Variants in RBMS1 observed in about 807,000 individuals in gnomAD.
RBMS1 encodes the protein RNA binding motif single stranded interacting protein 1.
In RBMS1, 17 loss-of-function variants were observed where a neutral mutation model predicts 62.3. That is an observed-to-expected ratio of 0.27 (90% CI 0.19 to 0.41). The LOEUF (loss-of-function observed/expected upper bound fraction) is 0.41. Among genes scored for constraint, RBMS1 ranks in the 10% least tolerant of loss-of-function variants. The probability of loss-of-function intolerance (pLI) is 1.00; values close to 1 mark genes in which losing one functional copy is unlikely to be tolerated. For missense variants in RBMS1, 334 were observed against 504.5 expected, an observed-to-expected ratio of 0.66 and a Z score of 3.24; for synonymous variants, 172 against 170.0, an observed-to-expected ratio of 1.01 and a Z score of -0.09.
At chr2:160,323,169 A>ATT (rs200830921) in intron 2 of RBMS1, among the ~76,000 whole-genome samples, 1,677 of 147,832 alleles carry the variant, frequency 0.011, 38 homozygotes, top group African/African-American at 0.036. Flanking sequence ...CTGTAGCTTA[A>ATT]TTTTTTTTTT....
chr2:160,287,559 T>C (rs779767591), intron 6 of RBMS1, among the ~76,000 whole-genome samples: 12 of 152,262 alleles, frequency 7.9e-5, no homozygotes, highest in Admixed American at 5.2e-4. Flanking sequence ...TATATTTTTA[T>C]TCACAATTTG....
At chr2:160,481,053 C>T (rs1447776025) in intron 1 of RBMS1, among the ~76,000 whole-genome samples, 3 of 146,540 alleles carry the variant, frequency 2.0e-5, no homozygotes, top group Non-Finnish European at 4.5e-5. Flanking sequence ...TGCACTCCAG[C>T]CTAGGCAACA....
chr2:160,410,980 GATCCGCCC>G (rs2105253323), intron 1 of RBMS1, among the ~76,000 whole-genome samples: 1 of 152,262 alleles, frequency 6.6e-6, no homozygotes, highest in Non-Finnish European at 1.5e-5. Flanking sequence ...TTGACCTCGT[GATCCGCCC>G]ATCTCGGCCT....
chr2:160,440,329 G>T (rs1683360795), intron 1 of RBMS1, among the ~76,000 whole-genome samples: 1 of 152,080 alleles, frequency 6.6e-6, no homozygotes, highest in East Asian at 1.9e-4. Context: ...AAGAAACAAT[G>T]CACAAGAACA....
intron 1 of RBMS1, among the ~76,000 whole-genome samples, chr2:160,448,903 G>A (rs568366404): frequency 4.0e-5 from 6 of 150,632 alleles, no homozygotes; most frequent in South Asian, 2.1e-4. Context: ...CCTCTGCCCC[G>A]CCACCCCATC....
At chr2:160,386,040 G>A (rs1694553293) in intron 1 of RBMS1, among the ~76,000 whole-genome samples, 1 of 152,202 alleles carries the variant, frequency 6.6e-6, no homozygotes, top group African/African-American at 2.4e-5. Context: ...GAATTTATTT[G>A]TCTAGGTAGT....
intron 1 of RBMS1, among the ~76,000 whole-genome samples, chr2:160,416,717 G>A: frequency 6.6e-6 from 1 of 152,028 alleles, no homozygotes; most frequent in East Asian, 1.9e-4. Context: ...ATTATTAAGG[G>A]CCGGTCCTTG....
chr2:160,490,313 A>C (rs1269581316), intron 1 of RBMS1, among the ~76,000 whole-genome samples: 1 of 151,626 alleles, frequency 6.6e-6, no homozygotes, highest in Non-Finnish European at 1.5e-5. Context: ...AAATAAAAAA[A>C]AAAAACAAAA....
Position 160,274,344 on chromosome 2 carries a change from G to GA in RBMS1, c.*427_*428insT, listed in dbSNP as rs557809075. On this transcript the variant is annotated 3_prime_UTR_variant, in exon 14 of 14. Transcript: ENST00000348849. ...TTCAGAAAGCCCATTTCATACAGCT[G>GA]GAAAAAAAAAACACAAATTAAACAC... 6.9e-6 allele frequency: 1 copy of GA among 144,568 alleles called. No individual in the cohort carries two copies. The highest frequency in any genetic ancestry group is 2.5e-5 in the African/African-American group (1 of 40,094). The allele number at this position is 144,568 out of a possible 1,614,324, so 9.0% of individuals were successfully genotyped here.
At chr2:160,375,806 C>T (rs1693965037) in intron 1 of RBMS1, among the ~76,000 whole-genome samples, 1 of 151,860 alleles carries the variant, frequency 6.6e-6, no homozygotes, top group African/African-American at 2.4e-5. Flanking sequence ...CCTTGAATTT[C>T]CAGATCCATG....
At chr2:160,452,566 G>A (rs1684037960) in intron 1 of RBMS1, among the ~76,000 whole-genome samples, 1 of 151,992 alleles carries the variant, frequency 6.6e-6, no homozygotes, top group African/African-American at 2.4e-5. Context: ...TTCAATCTGT[G>A]GTTGTTCAAT....
chr2:160,327,138 A>G (rs1346975774), intron 2 of RBMS1, among the ~76,000 whole-genome samples: 1 of 152,212 alleles, frequency 6.6e-6, no homozygotes, highest in Non-Finnish European at 1.5e-5. Context: ...TTTTTTCAAG[A>G]GAAGATACAG....
chr2:160,287,771 C>T lies in RBMS1; in HGVS notation c.641-687G>A, dbSNP rs980231916. ...GTCTCATATGTTTATTTTTGGGATA[C>T]GTCAGTGAAGATGGCTGTTGTGAGA... On this transcript the variant is annotated intron_variant, in intron 6 of 13. Coordinates refer to ENST00000348849, the MANE Select transcript of RBMS1 (RefSeq NM_016836.4). Among the ~76,000 whole-genome samples, 7 of 152,082 alleles carry T rather than the reference C, an allele frequency of 4.6e-5. No individual in the cohort carries two copies. In the East Asian group the frequency reaches 5.8e-4, roughly 13 times the overall value.
At chr2:160,389,760 C>A in intron 1 of RBMS1, among the ~76,000 whole-genome samples, 2 of 128,002 alleles carry the variant, frequency 1.6e-5, no homozygotes, top group East Asian at 2.5e-4. Context: ...AACCAACAAT[C>A]ACATAATGAG....
intron 1 of RBMS1, among the ~76,000 whole-genome samples, chr2:160,474,009 A>C (rs1685029682): frequency 6.6e-6 from 1 of 152,248 alleles, no homozygotes; most frequent in Non-Finnish European, 1.5e-5. Context: ...TATTTTCATA[A>C]AACATTATGA....
At chr2:160,309,172 CTAAGAGACT>C (rs1425556877) in intron 4 of RBMS1, among the ~76,000 whole-genome samples, 2 of 152,152 alleles carry the variant, frequency 1.3e-5, no homozygotes, top group African/African-American at 4.8e-5. Context: ...CTTCCTATGT[CTAAGAGACT>C]GGGGAGACTG....
At chr2:160,301,068 C>A (rs1187418649) in intron 5 of RBMS1, among the ~76,000 whole-genome samples, 1 of 152,114 alleles carries the variant, frequency 6.6e-6, no homozygotes. Flanking sequence ...TAGTGAATTG[C>A]AGATACAACA....
In RBMS1 at chr2:160,311,210, A is replaced by ATCTCCCTCTCTC. The variant is rs1361792296; in HGVS notation, c.402+1945_402+1946insGAGAGAGGGAGA. On this transcript the variant is annotated intron_variant, in intron 4 of 13. Coordinates refer to ENST00000348849, the MANE Select transcript of RBMS1 (RefSeq NM_016836.4). ...ACCCTGTCTCCAAAAAAAAAAAAAA[A>ATCTCCCTCTCTC]TCTATCTATCTATCTATCTATCTAT... 1.8e-4 allele frequency among the ~76,000 whole-genome samples: 10 copies of ATCTCCCTCTCTC among 56,610 alleles called. No homozygotes were observed. In the East Asian group the frequency reaches 3.2e-3, roughly 18 times the overall value. The allele number at this position is 56,610 out of a possible 152,430, so 37.1% of individuals were successfully genotyped here.
intron 1 of RBMS1, among the ~76,000 whole-genome samples, chr2:160,455,009 T>C (rs1179856657): frequency 6.6e-6 from 1 of 152,226 alleles, no homozygotes; most frequent in Admixed American, 6.5e-5. Context: ...CCTCTGTAGC[T>C]GTCTCTCTTT....
Sources: allele counts gnomAD v4.1 joint callset (sites outside exome capture counted in the v4.1 genomes callset), GRCh38; gene constraint gnomAD v4.1.1; transcripts MANE v1.5; gene names NCBI Gene and HGNC (gene_info 2026-07-23, HGNC 2026-07-21).